Variants in SLC35F4 observed in about 807,000 individuals in gnomAD.
SLC35F4 encodes solute carrier family 35 member F4, also known as chromosome 14 open reading frame 36.
SLC35F4 carries 24 observed loss-of-function variants against 44.2 expected under a neutral mutation model. The ratio of observed to expected loss-of-function variants is 0.54; its 90% CI spans 0.39 to 0.76. The LOEUF is 0.76. Among genes scored for constraint, SLC35F4 ranks in the 30% least tolerant of loss-of-function variants. The pLI, the probability that SLC35F4 is intolerant of heterozygous loss-of-function variation, is 0.00. For synonymous variants in SLC35F4, 238 were observed against 223.6 expected, an observed-to-expected ratio of 1.06 and a Z score of -0.57; for missense variants, 562 against 586.1, an observed-to-expected ratio of 0.96 and a Z score of 0.42.
At chr14:57,872,160 T>C (rs1888307889) in intron 1 of SLC35F4, among the ~76,000 whole-genome samples, 1 of 152,362 alleles carries the variant, frequency 6.6e-6, no homozygotes, top group South Asian at 2.1e-4. Flanking sequence ...ATGAGTACTA[T>C]TGCCAAAAGC....
chr14:57,827,803 CAAA>C (rs5808943), intron 1 of SLC35F4, among the ~76,000 whole-genome samples: 21,916 of 128,092 alleles, frequency 0.17, 2,037 homozygotes, highest in African/African-American at 0.27. Flanking sequence ...CCTTATTTTT[CAAA>C]AAAAAAAAAA....
chr14:57,587,884 A>G (rs1183029615), intron 3 of SLC35F4, among the ~76,000 whole-genome samples: 2 of 151,838 alleles, frequency 1.3e-5, no homozygotes, highest in African/African-American at 2.4e-5. Context: ...AAAAAAAAAA[A>G]AAAAGAAAAT....
At chr14:57,856,327 A>G (rs1887086927) in intron 1 of SLC35F4, among the ~76,000 whole-genome samples, 2 of 152,084 alleles carry the variant, frequency 1.3e-5, no homozygotes, top group Non-Finnish European at 2.9e-5. Flanking sequence ...TGTTAAAAAC[A>G]TGGCTAGCAA....
intron 1 of SLC35F4, among the ~76,000 whole-genome samples, chr14:57,714,957 G>T (rs748630477): frequency 1.3e-5 from 2 of 152,208 alleles, no homozygotes; most frequent in Non-Finnish European, 2.9e-5. Context: ...ATCTCAGTTC[G>T]TTCAACGGAG....
At chr14:57,952,544 AG>A (rs1890160065) in intron 1 of SLC35F4, among the ~76,000 whole-genome samples, 2 of 152,058 alleles carry the variant, frequency 1.3e-5, no homozygotes, top group Non-Finnish European at 1.5e-5. Context: ...CCTTGAAAAA[AG>A]GTTAGAGGAA....
At chr14:57,646,225 A>G (rs1335516328) in intron 1 of SLC35F4, among the ~76,000 whole-genome samples, 1 of 152,196 alleles carries the variant, frequency 6.6e-6, no homozygotes, top group Non-Finnish European at 1.5e-5. Flanking sequence ...TACCTCTGGT[A>G]GAATTCGGCT....
chr14:57,567,831 G>A (rs1260131265), intron 6 of SLC35F4, among the ~76,000 whole-genome samples: 2 of 152,208 alleles, frequency 1.3e-5, no homozygotes, highest in Non-Finnish European at 2.9e-5. Context: ...GAATGGATGA[G>A]GCTGACTTGC....
intron 1 of SLC35F4, among the ~76,000 whole-genome samples, chr14:57,851,623 T>C (rs1034407274): frequency 6.6e-6 from 1 of 152,208 alleles, no homozygotes; most frequent in African/African-American, 2.4e-5. Flanking sequence ...AGGAAGTTCC[T>C]ATAAAATTGA....
chr14:57,933,394 G>A (rs17093956), intron 1 of SLC35F4, among the ~76,000 whole-genome samples: 2,990 of 152,164 alleles, frequency 0.02, 100 homozygotes, highest in African/African-American at 0.062. Context: ...TGGGTAGCTC[G>A]TGATTTACAA....
At chr14:57,943,635 C>T (rs931787935) in intron 1 of SLC35F4, among the ~76,000 whole-genome samples, 2 of 151,810 alleles carry the variant, frequency 1.3e-5, no homozygotes, top group African/African-American at 2.4e-5. Context: ...GACTTCCCAC[C>T]GCCTCCACAC....
intron 1 of SLC35F4, among the ~76,000 whole-genome samples, chr14:57,615,985 T>C (rs544406653): frequency 6.6e-6 from 1 of 152,194 alleles, no homozygotes; most frequent in Non-Finnish European, 1.5e-5. Flanking sequence ...ATTTTCTACA[T>C]TTAAAATTGG....
chr14:57,918,536 A>C (rs1008086473), intron 1 of SLC35F4, among the ~76,000 whole-genome samples: 1 of 152,210 alleles, frequency 6.6e-6, no homozygotes, highest in Non-Finnish European at 1.5e-5. Context: ...TACATGTCAG[A>C]CCAGAAATTT....
intron 1 of SLC35F4, among the ~76,000 whole-genome samples, chr14:57,682,959 A>T (rs529346205): frequency 1.3e-5 from 2 of 152,306 alleles, no homozygotes; most frequent in African/African-American, 2.4e-5. Flanking sequence ...AAAAAATCTC[A>T]GTATGTAGAT....
At chr14:57,566,350 A>C in intron 7 of SLC35F4, 125 bp downstream of exon 7, 1 of 881,594 alleles carries the variant, frequency 1.1e-6, no homozygotes, top group Non-Finnish European at 1.7e-6. Flanking sequence ...ATGATATTTA[A>C]AAACATCTTC....
chr14:57,605,458 G>A (rs2140007731), intron 1 of SLC35F4, among the ~76,000 whole-genome samples: 1 of 152,244 alleles, frequency 6.6e-6, no homozygotes, highest in East Asian at 1.9e-4. Flanking sequence ...AAAAATAAGA[G>A]ATGTTGGTGA....
At chr14:57,942,269 T>C (rs1275558866) in intron 1 of SLC35F4, among the ~76,000 whole-genome samples, 2 of 152,184 alleles carry the variant, frequency 1.3e-5, no homozygotes, top group Non-Finnish European at 2.9e-5. Flanking sequence ...AATAACTCTG[T>C]TGTAGACCAG....
intron 1 of SLC35F4, among the ~76,000 whole-genome samples, chr14:57,901,506 C>T (rs182171797): frequency 2.4e-4 from 37 of 152,036 alleles, no homozygotes; most frequent in Admixed American, 7.9e-4. Flanking sequence ...GAACAACACA[C>T]GCTGGGGCCT....
intron 1 of SLC35F4, among the ~76,000 whole-genome samples, chr14:57,775,728 C>T (rs531234257): frequency 4.6e-5 from 7 of 152,332 alleles, no homozygotes; most frequent in African/African-American, 1.7e-4. Context: ...TCTGACAACT[C>T]AAAAAGCCAG....
intron 1 of SLC35F4, among the ~76,000 whole-genome samples, chr14:57,728,437 CTTTCTTTTTTTTTT>C (rs2076261514): frequency 2.0e-5 from 2 of 97,588 alleles, no homozygotes; most frequent in Non-Finnish European, 3.9e-5. Context: ...TTTTTTCTTT[CTTTCTTTTTTTTTT>C]TTTTTTTTTT....
Sources: allele counts gnomAD v4.1 joint callset (sites outside exome capture counted in the v4.1 genomes callset), GRCh38; gene constraint gnomAD v4.1.1; transcripts MANE v1.5; gene names NCBI Gene and HGNC (gene_info 2026-07-23, HGNC 2026-07-21).